SLC24A2: variants seen among roughly 807,000 people sequenced by gnomAD.
The protein encoded by SLC24A2 is sodium/potassium/calcium exchanger 2.
In SLC24A2, 36 loss-of-function variants were observed where a neutral mutation model predicts 62.0. That is an observed-to-expected ratio of 0.58 (90% confidence interval 0.44 to 0.77). The LOEUF (loss-of-function observed/expected upper bound fraction) is 0.77. Among genes scored for constraint, SLC24A2 ranks in the 30% least tolerant of loss-of-function variants. The pLI, the probability that SLC24A2 is intolerant of heterozygous loss-of-function variation, is 0.00. For synonymous variants in SLC24A2, 358 were observed against 294.0 expected (o/e 1.22, Z -2.23); for missense variants, 846 against 817.9 (o/e 1.03, Z -0.42).
At chr9:19,837,472 AAAAAAAAAAAAAAAAAAAAAAAAG>A in the SLC24A2 span, among the ~76,000 whole-genome samples, 1 of 133,498 alleles carries the variant, frequency 7.5e-6, no homozygotes, top group Non-Finnish European at 1.6e-5. Flanking sequence ...AAAAAAAAAA[AAAAAAAAAAAAAAAAAAAAAAAAG>A]AAAACTGGCA....
chr9:19,701,947 C>T (rs548288804), intron 2 of SLC24A2, among the ~76,000 whole-genome samples: 4 of 152,200 alleles, frequency 2.6e-5, no homozygotes, highest in Non-Finnish European at 4.4e-5. Context: ...AGTAGCCTAC[C>T]GTGGATGGAA....
the SLC24A2 span, among the ~76,000 whole-genome samples, chr9:19,934,543 A>G: frequency 6.6e-6 from 1 of 151,744 alleles, no homozygotes; most frequent in Non-Finnish European, 1.5e-5. The surrounding 1 kb of genome is among the most constrained non-coding windows in gnomAD (Gnocchi z 4.1). Flanking sequence ...GTGCGCGCCC[A>G]TGGCGGGGCT....
chr9:20,163,029 G>A, the SLC24A2 span, among the ~76,000 whole-genome samples: 14 of 152,154 alleles, frequency 9.2e-5, no homozygotes, highest in East Asian at 1.4e-3. Context: ...ATATCATACC[G>A]AATGGGCAAA....
intron 2 of SLC24A2, among the ~76,000 whole-genome samples, chr9:19,694,558 A>C (rs1319334774): frequency 6.6e-6 from 1 of 152,208 alleles, no homozygotes; most frequent in Non-Finnish European, 1.5e-5. Context: ...GAAAAAAAGA[A>C]CTGTGATTAG....
At chr9:19,793,584 A>G (rs1823344821), upstream of SLC24A2, among the ~76,000 whole-genome samples, 2 of 152,218 alleles carry the variant, frequency 1.3e-5, no homozygotes, top group South Asian at 4.1e-4. Flanking sequence ...ACCATGAACT[A>G]GAGTGTTTGC....
At chr9:19,850,290 A>G in the SLC24A2 span, among the ~76,000 whole-genome samples, 2 of 152,152 alleles carry the variant, frequency 1.3e-5, no homozygotes, top group African/African-American at 4.8e-5. Context: ...TGTAAAGTTC[A>G]AAGAATTTTT....
At chr9:19,822,286 A>G in the SLC24A2 span, among the ~76,000 whole-genome samples, 1 of 152,176 alleles carries the variant, frequency 6.6e-6, no homozygotes, top group Non-Finnish European at 1.5e-5. Flanking sequence ...CTTGGCCTGC[A>G]TTTTAAACTT....
the SLC24A2 span, among the ~76,000 whole-genome samples, chr9:19,931,042 G>A: frequency 5.9e-5 from 9 of 152,214 alleles, no homozygotes; most frequent in South Asian, 1.9e-3. Flanking sequence ...TCCAAGAAAA[G>A]ACATTAAATA....
At position 19,557,515 on chromosome 9, in the gene SLC24A2, A is replaced by C. The variant is rs377073770; in HGVS notation, c.1348-7247T>G. ...TCATGTCTCCAGAAACGTGACCTTTAATCATCCATGTGTAATTACCCTGTA... is the reference window on the plus strand; with the variant it reads ...TCATGTCTCCAGAAACGTGACCTTTCATCATCCATGTGTAATTACCCTGTA... On this transcript the variant is annotated intron_variant, in intron 7 of 10. Transcript: ENST00000341998. 2.0e-5 allele frequency among the ~76,000 whole-genome samples: 3 copies of C among 152,316 alleles called. No homozygotes were observed. The East Asian group carries it at 5.8e-4, about 29-fold the overall frequency.
upstream of SLC24A2, among the ~76,000 whole-genome samples, chr9:19,793,284 C>A (rs537223524): frequency 9.2e-5 from 14 of 152,350 alleles, no homozygotes; most frequent in African/African-American, 2.6e-4. Context: ...TAACTCCTAA[C>A]CCCAAGCTGG....
At chr9:19,945,975 C>T in the SLC24A2 span, among the ~76,000 whole-genome samples, 23 of 152,280 alleles carry the variant, frequency 1.5e-4, no homozygotes, top group East Asian at 4.4e-3. Flanking sequence ...ATCTCAAATA[C>T]AGTAGAGAAG....
At chr9:19,736,670 T>C (rs375779098) in intron 2 of SLC24A2, among the ~76,000 whole-genome samples, 12 of 152,016 alleles carry the variant, frequency 7.9e-5, no homozygotes, top group African/African-American at 2.9e-4. Flanking sequence ...GAGACCCTCG[T>C]CTCTAAAAAT....
chr9:19,811,916 C>T, the SLC24A2 span, among the ~76,000 whole-genome samples: 3 of 151,896 alleles, frequency 2.0e-5, no homozygotes, highest in East Asian at 1.9e-4. Flanking sequence ...AGTTTTCTTT[C>T]GGGCTGAAAA....
the SLC24A2 span, among the ~76,000 whole-genome samples, chr9:20,050,322 A>C: frequency 6.6e-6 from 1 of 151,718 alleles, no homozygotes; most frequent in African/African-American, 2.4e-5. Context: ...AGGCTGAAGC[A>C]TGAGAATCGC....
chr9:20,057,211 A>G, the SLC24A2 span, among the ~76,000 whole-genome samples: 3 of 152,198 alleles, frequency 2.0e-5, no homozygotes, highest in Non-Finnish European at 4.4e-5. Flanking sequence ...TATCCCTATA[A>G]CTATCACTTT....
At chr9:19,547,233 C>T (rs1404128526) in intron 8 of SLC24A2, among the ~76,000 whole-genome samples, 2 of 152,168 alleles carry the variant, frequency 1.3e-5, no homozygotes, top group African/African-American at 2.4e-5. Flanking sequence ...ACAGAGTACT[C>T]AGAAAAACAA....
At chr9:19,954,235 T>C in the SLC24A2 span, among the ~76,000 whole-genome samples, 2 of 152,226 alleles carry the variant, frequency 1.3e-5, no homozygotes, top group Admixed American at 6.5e-5. Flanking sequence ...CCCTGAGATA[T>C]CATAGCAGAG....
At chr9:19,917,353 G>GT in the SLC24A2 span, among the ~76,000 whole-genome samples, 35 of 111,872 alleles carry the variant, frequency 3.1e-4, no homozygotes, top group East Asian at 4.7e-4. Context: ...CTTTTTGTGT[G>GT]GTTTTTTTTT....
chr9:19,989,493 T>C, the SLC24A2 span, among the ~76,000 whole-genome samples: 173 of 152,316 alleles, frequency 1.1e-3, 5 homozygotes, highest in East Asian at 0.031. Context: ...AGTCAGTCCT[T>C]TTAGATAAGA....
Sources: gnomAD v4.1 joint callset for allele counts (sites outside exome capture counted in the v4.1 genomes callset) on GRCh38, gnomAD v4.1.1 for gene constraint, Gnocchi (gnomAD v3.1) non-coding constraint, MANE v1.5 for transcripts, NCBI Gene and HGNC (gene_info 2026-07-23, HGNC 2026-07-21) for gene names.